LIFR: variants seen among roughly 807,000 people sequenced by gnomAD.
LIFR encodes the protein LIF receptor subunit alpha, also known as leukemia inhibitory factor receptor.
Under a neutral mutation model 122.2 loss-of-function variants are expected in LIFR, and 84 were observed. The observed-to-expected ratio is 0.69, with a 90% CI of 0.58 to 0.82. The LOEUF (loss-of-function observed/expected upper bound fraction) is 0.82, where lower values mean the gene tolerates loss of function less well. Ranked by LOEUF, LIFR falls within the 40% of genes least tolerant of loss-of-function variation. The pLI is 0.00. For synonymous variants in LIFR, 422 were observed against 434.7 expected (o/e 0.97, Z 0.36); for missense variants, 1,294 against 1,311.6 (o/e 0.99, Z 0.21).
chr5:38,588,104 C>A (rs564332221), intron 1 of LIFR, among the ~76,000 whole-genome samples: 7 of 152,342 alleles, frequency 4.6e-5, no homozygotes, highest in Non-Finnish European at 8.8e-5. Flanking sequence ...GTGAGGGAAA[C>A]CATTCTCTCA....
At chr5:38,596,366 A>G (rs6862038), upstream of LIFR, among the ~76,000 whole-genome samples, 70,475 of 151,930 alleles carry the variant, frequency 0.46, 16,850 homozygotes, top group African/African-American at 0.57. Context: ...CGAAGTTTGA[A>G]GATTATTGGG....
intron 7 of LIFR, 109 bp downstream of exon 7, chr5:38,510,355 G>T: frequency 9.8e-7 from 1 of 1,021,140 alleles, no homozygotes; most frequent in Non-Finnish European, 1.5e-6. Context: ...AAAGAAATGA[G>T]AAAGAAACAG....
chr5:38,578,284 G>T (rs529783119), intron 1 of LIFR, among the ~76,000 whole-genome samples: 1 of 136,684 alleles, frequency 7.3e-6, no homozygotes, highest in Non-Finnish European at 1.5e-5. Flanking sequence ...TCGGCTCACC[G>T]CAACGTCTGC....
At chr5:38,525,566 G>A (rs1174371764) in intron 4 of LIFR, among the ~76,000 whole-genome samples, 3 of 152,170 alleles carry the variant, frequency 2.0e-5, no homozygotes, top group Non-Finnish European at 4.4e-5. Flanking sequence ...AAAGTGTTTA[G>A]GGCTGTACAG....
intron 13 of LIFR, among the ~76,000 whole-genome samples, chr5:38,495,296 T>C (rs949157158): frequency 2.6e-5 from 4 of 152,212 alleles, no homozygotes; most frequent in Non-Finnish European, 5.9e-5. Flanking sequence ...CAATGAAACA[T>C]ATAATCTAAA....
chr5:38,590,275 G>C (rs952221052), intron 1 of LIFR, among the ~76,000 whole-genome samples: 1 of 152,196 alleles, frequency 6.6e-6, no homozygotes, highest in East Asian at 1.9e-4. Flanking sequence ...AATCCCCAGG[G>C]AGGACTGGTC....
intron 1 of LIFR, among the ~76,000 whole-genome samples, chr5:38,536,705 A>C (rs2112593181): frequency 6.6e-6 from 1 of 152,374 alleles, no homozygotes; most frequent in African/African-American, 2.4e-5. Context: ...GACTACAAGC[A>C]TCATAAAAAA....
At chr5:38,499,022 AAT>A (rs1174911336) in intron 12 of LIFR, among the ~76,000 whole-genome samples, 1 of 152,218 alleles carries the variant, frequency 6.6e-6, no homozygotes, top group Non-Finnish European at 1.5e-5. Flanking sequence ...GGCAACAAAA[AAT>A]GTTCCAGCAG....
At chr5:38,513,668 T>C (rs887787650) in intron 5 of LIFR, among the ~76,000 whole-genome samples, 9 of 152,316 alleles carry the variant, frequency 5.9e-5, no homozygotes, top group African/African-American at 1.9e-4. Flanking sequence ...AATGAACTTT[T>C]CTGAGTCACA....
chr5:38,577,388 G>C (rs1002107984), intron 1 of LIFR, among the ~76,000 whole-genome samples: 1 of 152,098 alleles, frequency 6.6e-6, no homozygotes, highest in Non-Finnish European at 1.5e-5. Context: ...CCAGCTCTCA[G>C]GACTTCCATT....
chr5:38,593,426 A>G (rs1179665492), intron 1 of LIFR, among the ~76,000 whole-genome samples: 1 of 152,206 alleles, frequency 6.6e-6, no homozygotes, highest in Non-Finnish European at 1.5e-5. Flanking sequence ...TTAAAAATTC[A>G]GTTCTGTCAC....
chr5:38,588,953 T>TATCCA (rs1749834875), intron 1 of LIFR, among the ~76,000 whole-genome samples: 1 of 152,108 alleles, frequency 6.6e-6, no homozygotes, highest in Non-Finnish European at 1.5e-5. Flanking sequence ...TGCATATGTT[T>TATCCA]ATTGGTATTT....
At chr5:38,513,678 A>C (rs562517745) in intron 5 of LIFR, among the ~76,000 whole-genome samples, 44 of 152,304 alleles carry the variant, frequency 2.9e-4, no homozygotes, top group Non-Finnish European at 6.0e-4. Context: ...TCTGAGTCAC[A>C]TAAACATGTC....
rs546253340 is a variant in LIFR, at chr5:38,541,248, A to G, written c.-19-10582T>C. Among the ~76,000 whole-genome samples the G allele has an allele frequency of 1.3e-5, 2 of 152,342 alleles. 1 individual carries two copies. Among genetic ancestry groups the G allele is most frequent in the Admixed American group, 1.3e-4 (2 of 15,304 alleles). On this transcript the variant is annotated intron_variant, in intron 1 of 19. Transcript: ENST00000453190. ...AAAATAACTGATATTTGGCAAAGCT[A>G]TTTCAGAAAGGGGCATTCTTGTTAA...
chr5:38,504,344 A>G (rs942413511), intron 9 of LIFR, among the ~76,000 whole-genome samples: 1 of 151,068 alleles, frequency 6.6e-6, no homozygotes, highest in Non-Finnish European at 1.5e-5. Context: ...AATTAGTGTC[A>G]GGAATACTCA....
chr5:38,524,698 C>T lies in LIFR; in HGVS notation c.398-1116G>A, dbSNP rs1746583215. On this transcript the variant is annotated intron_variant, in intron 4 of 19. Transcript: ENST00000453190. Reference sequence around the variant, plus strand: ...GGAAGAAGACACCATGGAGTCAGAACGTGGATGCAGACTTAAAAGGAACTG... The same window carrying T: ...GGAAGAAGACACCATGGAGTCAGAATGTGGATGCAGACTTAAAAGGAACTG... Among the ~76,000 whole-genome samples the T allele has an allele frequency of 2.0e-5, 3 of 152,196 alleles. No homozygotes were observed. In the South Asian group the frequency reaches 6.2e-4, roughly 32 times the overall value.
chr5:38,556,532 G>A lies in LIFR; in HGVS notation c.-218C>T, dbSNP rs982593756. ...GCGCGAGGCTGCTTGAGGCGGCCAC[G>A]GGCGAAGGGCGGCCCGCTGCGCTCC... On this transcript the variant is annotated 5_prime_UTR_variant, in exon 1 of 20. Coordinates refer to ENST00000453190, the MANE Select transcript of LIFR (RefSeq NM_001127671.2). 6.6e-6 allele frequency: 1 copy of A among 150,498 alleles called. No homozygotes were observed. The highest frequency in any genetic ancestry group is 2.4e-5 in the African/African-American group (1 of 41,272). The allele number at this position is 150,498 out of a possible 1,614,324, so 9.3% of individuals were successfully genotyped here.
intron 1 of LIFR, chr5:38,594,958 A>AGTGACCATTTCTACTCTGGG (rs1290445762): frequency 3.6e-5 from 7 of 196,270 alleles, no homozygotes; most frequent in African/African-American, 1.6e-4. Flanking sequence ...AACTGTATAC[A>AGTGACCATTTCTACTCTGGG]GTGACCATTT....
rs544182120 is a variant in LIFR at position 38,545,245 on chromosome 5, G to A, written c.-20+11089C>T. On this transcript the variant is annotated intron_variant, in intron 1 of 19. Transcript: ENST00000453190. ...AGATCACGCCATTGCACTCCAGCCT[G>A]GGTGACAGACCAAGACTCCGTCTCA... Among the ~76,000 whole-genome samples the A allele has an allele frequency of 7.2e-5, 11 of 151,986 alleles. No homozygotes were observed. In the South Asian group the frequency reaches 1.9e-3, roughly 26 times the overall value.
Sources: allele counts gnomAD v4.1 joint callset (sites outside exome capture counted in the v4.1 genomes callset), GRCh38; gene constraint gnomAD v4.1.1; transcripts MANE v1.5; gene names NCBI Gene and HGNC (gene_info 2026-07-23, HGNC 2026-07-21).